Variants in CNTNAP2 observed in about 807,000 individuals in gnomAD.
The protein encoded by CNTNAP2 is contactin associated protein 2, also known as contactin-associated protein-like 2.
In CNTNAP2, 98 loss-of-function variants were observed where a neutral mutation model predicts 155.2. The observed-to-expected ratio is 0.63, with a 90% CI of 0.54 to 0.75. CNTNAP2 has a LOEUF of 0.75. CNTNAP2 is among the 30% of genes least tolerant of loss of function. The pLI is 0.00. For synonymous variants in CNTNAP2, 651 were observed against 631.2 expected (o/e 1.03, Z -0.47); for missense variants, 1,727 against 1,688.1 (o/e 1.02, Z -0.40).
chr7:147,865,339 T>C (rs1421633168), intron 13 of CNTNAP2, among the ~76,000 whole-genome samples: 6 of 152,220 alleles, frequency 3.9e-5, no homozygotes, highest in Non-Finnish European at 8.8e-5. Context: ...CAGTATTTTA[T>C]TGAAGATTTC....
At chr7:146,686,403 ACTTCCGAAATTTCAATCATCCT>A (rs1374613243) in intron 1 of CNTNAP2, among the ~76,000 whole-genome samples, 4 of 152,136 alleles carry the variant, frequency 2.6e-5, no homozygotes, top group African/African-American at 9.7e-5. Flanking sequence ...TTCCATGGCT[ACTTCCGAAATTTCAATCATCCT>A]CTTCCAGAAT....
chr7:146,857,616 A>G (rs559553659), intron 3 of CNTNAP2, among the ~76,000 whole-genome samples: 15 of 152,328 alleles, frequency 9.8e-5, no homozygotes, highest in Non-Finnish European at 2.1e-4. Flanking sequence ...AAAAGAAGTT[A>G]GACCAAGAGA....
intron 11 of CNTNAP2, among the ~76,000 whole-genome samples, chr7:147,511,574 C>T (rs1345084823): frequency 6.6e-6 from 1 of 151,222 alleles, no homozygotes; most frequent in African/African-American, 2.4e-5. Flanking sequence ...TTTATGTGTA[C>T]ATAATGTTTC....
At chr7:148,070,550 C>G (rs1230551317) in intron 15 of CNTNAP2, among the ~76,000 whole-genome samples, 4 of 152,152 alleles carry the variant, frequency 2.6e-5, no homozygotes, top group African/African-American at 9.7e-5. Flanking sequence ...AACCCTGTTT[C>G]TACTAAAAAT....
chr7:146,776,458 G>A (rs1026117726), intron 2 of CNTNAP2, among the ~76,000 whole-genome samples: 4 of 152,150 alleles, frequency 2.6e-5, no homozygotes, highest in African/African-American at 9.7e-5. Context: ...AGAAATTGTG[G>A]CCACATGACT....
intron 4 of CNTNAP2, 88 bp downstream of exon 4, chr7:147,044,142 G>C: frequency 6.8e-7 from 1 of 1,466,336 alleles, no homozygotes; most frequent in African/African-American, 1.4e-5. Flanking sequence ...AACATTACTT[G>C]CTTTCTCTGA....
chr7:148,298,232 G>C (rs1215935071), intron 21 of CNTNAP2, among the ~76,000 whole-genome samples: 1 of 152,078 alleles, frequency 6.6e-6, no homozygotes, highest in Non-Finnish European at 1.5e-5. Flanking sequence ...AGTGGATGGT[G>C]GGGAGGAGAG....
intron 1 of CNTNAP2, among the ~76,000 whole-genome samples, chr7:146,482,541 G>A (rs1796977978): frequency 1.3e-5 from 2 of 151,806 alleles, no homozygotes; most frequent in African/African-American, 4.8e-5. Context: ...TTAAGAGATT[G>A]AGACCATCCT....
At chr7:146,117,094 G>A in intron 1 of CNTNAP2, 121 bp downstream of exon 1, 9 of 828,118 alleles carry the variant, frequency 1.1e-5, no homozygotes, top group South Asian at 1.0e-4. Context: ...TTGTGTCTCC[G>A]CTGTCACACA....
chr7:146,451,824 G>GTA lies in CNTNAP2; in HGVS notation c.98-322438_98-322437dup, dbSNP rs573379417. Reference sequence around the variant, plus strand: ...AGGTCTCTTCTATATATATATATACGTATATATATACATATATATATACAC... The same window carrying GTA: ...AGGTCTCTTCTATATATATATATACGTATATATATATACATATATATATACAC... On this transcript the variant is annotated intron_variant, in intron 1 of 23. Transcript: ENST00000361727. Among the ~76,000 whole-genome samples the GTA allele has an allele frequency of 3.8e-3, 245 of 63,832 alleles. 5 individuals are homozygous for GTA. Among genetic ancestry groups the GTA allele is most frequent in the African/African-American group, 0.031 (237 of 7,562 alleles). The allele number at this position is 63,832 out of a possible 152,430, so 41.9% of individuals were successfully genotyped here. A position where few individuals can be genotyped will look rare whatever the true frequency, so the allele number is the denominator to read the frequency against.
intron 12 of CNTNAP2, among the ~76,000 whole-genome samples, chr7:147,600,779 C>T (rs1800928719): frequency 1.3e-5 from 2 of 152,052 alleles, no homozygotes; most frequent in Admixed American, 6.6e-5. Context: ...TTCCTTCCCC[C>T]TCCTACTACT....
intron 14 of CNTNAP2, among the ~76,000 whole-genome samples, chr7:147,922,063 C>T (rs1212029126): frequency 6.6e-6 from 1 of 152,208 alleles, no homozygotes. Flanking sequence ...CCATTATAGA[C>T]TTCCCATAGT....
intron 8 of CNTNAP2, among the ~76,000 whole-genome samples, chr7:147,226,493 G>GT (rs2116607952): frequency 1.3e-5 from 2 of 151,882 alleles, no homozygotes; most frequent in Admixed American, 1.3e-4. Flanking sequence ...TCCCGGGGTG[G>GT]TAGGAGATCA....
At chr7:147,238,402 G>GACAC (rs147589329) in intron 8 of CNTNAP2, among the ~76,000 whole-genome samples, 2,579 of 149,240 alleles carry the variant, frequency 0.017, 55 homozygotes, top group African/African-American at 0.049. Flanking sequence ...TATGTGTGCA[G>GACAC]ACACACACAC....
At chr7:146,863,909 T>G (rs952660204) in intron 3 of CNTNAP2, among the ~76,000 whole-genome samples, 23 of 152,132 alleles carry the variant, frequency 1.5e-4, no homozygotes, top group African/African-American at 5.5e-4. Flanking sequence ...ATTTATCAAG[T>G]GCTTTTCAAT....
intron 8 of CNTNAP2, among the ~76,000 whole-genome samples, chr7:147,174,089 A>T (rs1322525530): frequency 6.6e-6 from 1 of 152,136 alleles, no homozygotes; most frequent in Non-Finnish European, 1.5e-5. Context: ...CAGCACAAAA[A>T]AACCAGCAAA....
chr7:147,962,196 G>A (rs959247975), intron 14 of CNTNAP2, among the ~76,000 whole-genome samples: 2 of 152,218 alleles, frequency 1.3e-5, no homozygotes, highest in South Asian at 2.1e-4. Context: ...AATTAATAAG[G>A]AAGCAAATTC....
chr7:148,150,561 A>C (rs551541042), intron 17 of CNTNAP2, among the ~76,000 whole-genome samples: 1 of 151,968 alleles, frequency 6.6e-6, no homozygotes, highest in South Asian at 2.1e-4. Context: ...AAAAAAAAAC[A>C]AGACTCTAAA....
chr7:147,242,402 C>T lies in CNTNAP2; in HGVS notation c.1349-57739C>T, dbSNP rs146928754. Among the ~76,000 whole-genome samples, 414 of 152,202 alleles carry T rather than the reference C, an allele frequency of 2.7e-3. 1 individual carries two copies. The highest frequency in any genetic ancestry group is 9.3e-3 in the African/African-American group (386 of 41,512). On this transcript the variant is annotated intron_variant, in intron 8 of 23. Coordinates refer to ENST00000361727, the MANE Select transcript of CNTNAP2 (RefSeq NM_014141.6). Reference sequence around the variant, plus strand: ...GAACTCTGTAATAAATAGTAGTACCCGCTTCTTCTTTACATGTGTCCAGTT... The same window carrying T: ...GAACTCTGTAATAAATAGTAGTACCTGCTTCTTCTTTACATGTGTCCAGTT...
Sources: allele counts gnomAD v4.1 joint callset (sites outside exome capture counted in the v4.1 genomes callset), GRCh38; gene constraint gnomAD v4.1.1; transcripts MANE v1.5; gene names NCBI Gene and HGNC (gene_info 2026-07-23, HGNC 2026-07-21).